The following RSPO2 variants were observed in gnomAD, a reference collection of about 807,000 sequenced individuals.
RSPO2 encodes R-spondin 2, also known as R-spondin-2.
Under a neutral mutation model 30.9 loss-of-function variants are expected in RSPO2, and 14 were observed. That is an observed-to-expected ratio of 0.45 (90% CI 0.30 to 0.71). The LOEUF is 0.71. Among genes scored for constraint, RSPO2 ranks in the 30% least tolerant of loss-of-function variants. The probability of loss-of-function intolerance (pLI) is 0.08; values close to 1 mark genes in which losing one functional copy is unlikely to be tolerated. For synonymous variants in RSPO2, 107 were observed against 96.4 expected (o/e 1.11, Z -0.64); for missense variants, 264 against 301.9 (o/e 0.87, Z 0.93).
At chr8:107,911,667 G>T (rs149567106) in intron 5 of RSPO2, among the ~76,000 whole-genome samples, 1 of 152,088 alleles carries the variant, frequency 6.6e-6, no homozygotes. Flanking sequence ...ACAGCAACTC[G>T]CAAAGCAAGC....
intron 4 of RSPO2, among the ~76,000 whole-genome samples, chr8:107,959,580 A>AT (rs1813552043): frequency 6.6e-6 from 1 of 152,138 alleles, no homozygotes; most frequent in Admixed American, 6.5e-5. Context: ...GACATTTAAG[A>AT]TTTTTTATTC....
chr8:108,048,420 T>G (rs1338461171), intron 2 of RSPO2, among the ~76,000 whole-genome samples: 1 of 151,884 alleles, frequency 6.6e-6, no homozygotes, highest in African/African-American at 2.4e-5. Context: ...TACCCTCATG[T>G]ATTAAAACCA....
intron 2 of RSPO2, among the ~76,000 whole-genome samples, chr8:108,067,286 G>A (rs1433197845): frequency 6.6e-6 from 1 of 152,084 alleles, no homozygotes; most frequent in Non-Finnish European, 1.5e-5. Context: ...ATTACATACC[G>A]ATTATTAAGA....
intron 5 of RSPO2, among the ~76,000 whole-genome samples, chr8:107,934,800 T>C (rs2130356012): frequency 6.6e-6 from 1 of 152,366 alleles, no homozygotes; most frequent in South Asian, 2.1e-4. Flanking sequence ...TTCTTATGCC[T>C]GTCTTTACTG....
chr8:108,063,992 C>T lies in RSPO2; in HGVS notation c.94+18553G>A, dbSNP rs559493277. ...GCTAGCCATATGTAGAAAGCTGAAG[C>T]TGGATCCCTTCCTTACCCCTTATAC... On this transcript the variant is annotated intron_variant, in intron 2 of 5. Coordinates refer to ENST00000276659, the MANE Select transcript of RSPO2 (RefSeq NM_178565.5). Among the ~76,000 whole-genome samples, 34 of 152,294 alleles carry T rather than the reference C, an allele frequency of 2.2e-4. No homozygotes were observed. In the East Asian group the frequency reaches 5.8e-3, roughly 26 times the overall value.
Position 107,901,136 on chromosome 8 carries a change from A to G in RSPO2, c.671T>C (p.Leu224Pro), listed in dbSNP as rs780932645. 3.1e-6 allele frequency: 5 copies of G among 1,614,082 alleles called. No homozygotes were observed. The highest frequency in any genetic ancestry group is 3.4e-6 in the Non-Finnish European group (4 of 1,179,972). The stretch of plus-strand genomic sequence containing the variant: ...GTGTTGCTCCTGGGCCCTTTCTATC[A>G]GCTTCCTTTTCTTTTTCTTGTTCCT... ...EKRNKKKKRK[L>P]IERAQEQHSV... is the part of the protein sequence containing the mutation. Residue 224 changes from leucine (L) to proline (P), a missense_variant, in exon 6 of 6, where the codon CTG becomes CCG. Leu to Pro is a moderately conservative substitution (Grantham distance 98). Transcript: ENST00000276659.
At chr8:107,912,613 T>C (rs1811858754) in intron 5 of RSPO2, among the ~76,000 whole-genome samples, 1 of 152,216 alleles carries the variant, frequency 6.6e-6, no homozygotes, top group South Asian at 2.1e-4. Flanking sequence ...CAGGTTCTTT[T>C]TAAAAGGCTG....
chr8:108,049,087 G>A (rs1363518043), intron 2 of RSPO2, among the ~76,000 whole-genome samples: 2 of 151,772 alleles, frequency 1.3e-5, no homozygotes, highest in Non-Finnish European at 2.9e-5. Context: ...CTTTACTTCT[G>A]AGGCCTGTCG....
At chr8:108,051,414 T>C (rs1812076568) in intron 2 of RSPO2, among the ~76,000 whole-genome samples, 1 of 152,194 alleles carries the variant, frequency 6.6e-6, no homozygotes, top group South Asian at 2.1e-4. Flanking sequence ...AAAAAATGTT[T>C]TCTTTGGAAC....
At chr8:108,021,964 G>A (rs1811072353) in intron 2 of RSPO2, among the ~76,000 whole-genome samples, 1 of 151,980 alleles carries the variant, frequency 6.6e-6, no homozygotes, top group African/African-American at 2.4e-5. Flanking sequence ...AAAAATGATG[G>A]CTTCATCACT....
intron 2 of RSPO2, among the ~76,000 whole-genome samples, chr8:108,058,449 A>G (rs993689661): frequency 5.3e-5 from 8 of 152,198 alleles, no homozygotes; most frequent in Non-Finnish European, 8.8e-5. Flanking sequence ...ATTCAATGCT[A>G]TCCCATCAAG....
At chr8:107,996,944 C>G (rs746913492) in intron 2 of RSPO2, 6 of 454,196 alleles carry the variant, frequency 1.3e-5, no homozygotes, top group South Asian at 9.4e-5. Context: ...CTTTATAACC[C>G]TACACACGAG....
At chr8:107,921,051 G>A (rs985876871) in intron 5 of RSPO2, among the ~76,000 whole-genome samples, 1 of 152,004 alleles carries the variant, frequency 6.6e-6, no homozygotes, top group African/African-American at 2.4e-5. Context: ...AAGGATGTTA[G>A]CACAGATAGT....
chr8:108,070,992 C>T (rs1019490942), intron 2 of RSPO2, among the ~76,000 whole-genome samples: 3 of 152,122 alleles, frequency 2.0e-5, no homozygotes, highest in Non-Finnish European at 4.4e-5. Flanking sequence ...TTTCCTTTCC[C>T]TAGGTCCAGC....
chr8:107,920,202 T>C (rs1228266171), intron 5 of RSPO2, among the ~76,000 whole-genome samples: 1 of 152,108 alleles, frequency 6.6e-6, no homozygotes, highest in Non-Finnish European at 1.5e-5. Context: ...GAGACTTTAA[T>C]TACTATGGCT....
chr8:108,062,832 C>A (rs1043758499), intron 2 of RSPO2, among the ~76,000 whole-genome samples: 2 of 151,766 alleles, frequency 1.3e-5, no homozygotes, highest in African/African-American at 4.9e-5. Flanking sequence ...GCTTATCCAC[C>A]ATGATCAAGT....
At position 108,057,055 on chromosome 8, in the gene RSPO2, C is replaced by CAAAA. The variant is rs56727719; in HGVS notation, c.94+25486_94+25489dup. Among the ~76,000 whole-genome samples, 13 of 36,082 alleles carry CAAAA rather than the reference C, an allele frequency of 3.6e-4. 2 individuals are homozygous for CAAAA. Among genetic ancestry groups the CAAAA allele is most frequent in the Admixed American group, 5.9e-4 (1 of 1,692 alleles). 23.7% of individuals were successfully genotyped at this position (36,082 alleles called of 152,430 possible). A position where few individuals can be genotyped will look rare whatever the true frequency, so the allele number is the denominator to read the frequency against. On this transcript the variant is annotated intron_variant, in intron 2 of 5. Coordinates refer to ENST00000276659, the MANE Select transcript of RSPO2 (RefSeq NM_178565.5). ...CTGGCAACAGAGTGAGACTCTGTCTCAAAAAAAAAAAAAAAAAAAAAAAAA... is the reference window on the plus strand; with the variant it reads ...CTGGCAACAGAGTGAGACTCTGTCTCAAAAAAAAAAAAAAAAAAAAAAAAAAAAA...
intron 2 of RSPO2, among the ~76,000 whole-genome samples, chr8:108,049,024 G>T (rs1811992905): frequency 6.6e-6 from 1 of 151,830 alleles, no homozygotes; most frequent in Admixed American, 6.6e-5. Context: ...TTGCACTGTG[G>T]TCTGAGAGAC....
At chr8:107,911,808 C>T (rs913230753) in intron 5 of RSPO2, among the ~76,000 whole-genome samples, 3 of 152,130 alleles carry the variant, frequency 2.0e-5, no homozygotes, top group African/African-American at 7.2e-5. Flanking sequence ...CCACTATAGT[C>T]TTCGGATCCC....
Sources: allele counts gnomAD v4.1 joint callset (sites outside exome capture counted in the v4.1 genomes callset), GRCh38; gene constraint gnomAD v4.1.1; transcripts MANE v1.5; gene names NCBI Gene and HGNC (gene_info 2026-07-23, HGNC 2026-07-21).